KCTD17: variants seen among roughly 807,000 people sequenced by gnomAD.
The protein encoded by KCTD17 is potassium channel tetramerization domain containing 17.
Under a neutral mutation model 41.5 loss-of-function variants are expected in KCTD17, and 20 were observed. The ratio of observed to expected loss-of-function variants is 0.48; its 90% CI spans 0.34 to 0.70. The LOEUF (loss-of-function observed/expected upper bound fraction) is 0.70, where lower values mean the gene tolerates loss of function less well. KCTD17 is among the 30% of genes least tolerant of loss of function. The probability of loss-of-function intolerance (pLI) is 0.01; values close to 1 mark genes in which losing one functional copy is unlikely to be tolerated. For missense variants in KCTD17, 317 were observed against 427.2 expected, an observed-to-expected ratio of 0.74 and a Z score of 2.27; for synonymous variants, 156 against 173.8, an observed-to-expected ratio of 0.90 and a Z score of 0.80.
Position 37,053,300 on chromosome 22 carries a change from A to G in KCTD17, c.298+92A>G. 1 of 945,758 alleles carries G rather than the reference A, an allele frequency of 1.1e-6. No homozygotes were observed. The highest frequency in any genetic ancestry group is 2.2e-4 in the Middle Eastern group (1 of 4,474). The allele number at this position is 945,758 out of a possible 1,614,324, so 58.6% of individuals were successfully genotyped here. A position where few individuals can be genotyped will look rare whatever the true frequency, so the allele number is the denominator to read the frequency against. ...AGCCATTTGGACAACCAGGACGGCC[A>G]TCTGCCTGCTTGGTTGTTTCCTGCC... is the stretch of plus-strand genomic sequence containing the variant. On this transcript the variant is annotated intron_variant, in intron 2 of 8. Coordinates refer to ENST00000403888, the MANE Select transcript of KCTD17 (RefSeq NM_001282684.2). The surrounding 1 kb of genome is among the most constrained non-coding windows in gnomAD (Gnocchi z 4.1).
intron 5 of KCTD17, among the ~76,000 whole-genome samples, chr22:37,060,275 T>C (rs1925618045): frequency 5.9e-5 from 9 of 152,184 alleles, no homozygotes; most frequent in Admixed American, 5.9e-4. Flanking sequence ...CTCCCTGTCC[T>C]GCTGTGACGC....
Position 37,052,048 on chromosome 22 carries a change from C to A in KCTD17, c.189+99C>A, listed in dbSNP as rs1279359267. ...CTCGCCCGCCAGGCTGGGGACCCGG[C>A]CGGGTTCATTTCCGAGGAACTGGAG... On this transcript the variant is annotated intron_variant, in intron 1 of 8. Coordinates refer to ENST00000403888, the MANE Select transcript of KCTD17 (RefSeq NM_001282684.2). 2.4e-6 allele frequency: 3 copies of A among 1,263,388 alleles called. No homozygotes were observed. The African/African-American group carries it at 4.7e-5, about 20-fold the overall frequency. 78.3% of individuals were successfully genotyped at this position (1,263,388 alleles called of 1,614,324 possible).
At position 37,061,324 on chromosome 22, in the gene KCTD17, C is replaced by T. The variant is rs1925753577; in HGVS notation, c.784+149C>T. ...TGGTCCCAGCCTCCCGTGCCCTCCA[C>T]CCAGGCCCCCTGGCCCTGCATCCCA... On this transcript the variant is annotated intron_variant, in intron 7 of 8. Coordinates refer to ENST00000403888, the MANE Select transcript of KCTD17 (RefSeq NM_001282684.2). This position sits in a 1 kb window ranked among gnomAD's most constrained non-coding sequence, Gnocchi z 6.6. 3 of 1,499,002 alleles carry T rather than the reference C, an allele frequency of 2.0e-6. No individual in the cohort carries two copies. Among genetic ancestry groups the T allele is most frequent in the Non-Finnish European group, 1.8e-6 (2 of 1,125,602 alleles). The allele number at this position is 1,499,002 out of a possible 1,614,324, so 92.9% of individuals were successfully genotyped here. A position where few individuals can be genotyped will look rare whatever the true frequency, so the allele number is the denominator to read the frequency against.
chr22:37,062,443 C>A (rs1427094550), intron 8 of KCTD17, 82 bp from the exon 9 acceptor site: 1 of 1,529,126 alleles, frequency 6.5e-7, no homozygotes, highest in Non-Finnish European at 8.8e-7. Flanking sequence ...CCTCTCCGCC[C>A]CCTTGCCCTG....
intron 3 of KCTD17, 31 bp from the exon 4 acceptor site, chr22:37,057,366 AG>A (rs1925259923): frequency 6.3e-7 from 1 of 1,582,010 alleles, no homozygotes; most frequent in African/African-American, 1.3e-5. Context: ...GTGCTCCCAC[AG>A]GTGCCCTCTA....
rs1224851202 is a variant in KCTD17, at chr22:37,061,392, C to G, written c.785-147C>G. ...CCTCCTGCGCCCCTTCTGGTACCTC[C>G]TGCCTCCCAGCCTGGGGAGGAGGGG... On this transcript the variant is annotated intron_variant, in intron 7 of 8. Coordinates refer to ENST00000403888, the MANE Select transcript of KCTD17 (RefSeq NM_001282684.2). This position sits in a 1 kb window ranked among gnomAD's most constrained non-coding sequence, Gnocchi z 6.6. 2 of 1,474,018 alleles carry G rather than the reference C, an allele frequency of 1.4e-6. No individual in the cohort carries two copies. Among genetic ancestry groups the G allele is most frequent in the Non-Finnish European group, 1.8e-6 (2 of 1,113,272 alleles). 91.3% of individuals were successfully genotyped at this position (1,474,018 alleles called of 1,614,324 possible).
At chr22:37,062,475 C>T in intron 8 of KCTD17, 50 bp from the exon 9 acceptor site, 1 of 1,581,286 alleles carries the variant, frequency 6.3e-7, no homozygotes, top group Non-Finnish European at 8.6e-7. Flanking sequence ...CCTTACCGGC[C>T]CCACCTCCGC....
chr22:37,051,859 G>T lies in KCTD17; in HGVS notation c.99G>T (p.Thr33=). 6.8e-7 allele frequency: 1 copy of T among 1,476,022 alleles called. No individual in the cohort carries two copies. The allele number at this position is 1,476,022 out of a possible 1,614,324, so 91.4% of individuals were successfully genotyped here. A position where few individuals can be genotyped will look rare whatever the true frequency, so the allele number is the denominator to read the frequency against. ...GGGTGCGGCTCAACGTGGGGGGCAC[G>T]GTGTTCCTGACCACCCGGCAGACGC... ...GKWVRLNVGG[T]VFLTTRQTLC... The change falls in exon 1 of 9, where the codon ACG becomes ACT. Residue 33 remains threonine, a synonymous_variant. Transcript: ENST00000403888.
intron 8 of KCTD17, chr22:37,062,252 C>T (rs1038288608): frequency 2.0e-5 from 20 of 985,116 alleles, no homozygotes; most frequent in African/African-American, 1.2e-4. Flanking sequence ...TGTAGGTGGC[C>T]GCCACCGAGC....
chr22:37,052,656 C>G (rs1924633227), intron 1 of KCTD17: 3 of 470,710 alleles, frequency 6.4e-6, no homozygotes, highest in South Asian at 3.1e-5. Flanking sequence ...GAAGCCCACC[C>G]TGCCTCCCTG....
Position 37,061,526 on chromosome 22 carries a change from T to C in KCTD17, c.785-13T>C, listed in dbSNP as rs752376156. ...TCTCCTCCCGGCCTCCTCCTCACGTTTCCTCCTTGCAGGTTCCCGTCCGCA... is the reference window on the plus strand; with the variant it reads ...TCTCCTCCCGGCCTCCTCCTCACGTCTCCTCCTTGCAGGTTCCCGTCCGCA... On this transcript the variant is annotated splice_polypyrimidine_tract_variant and intron_variant, in intron 7 of 8. Coordinates refer to ENST00000403888, the MANE Select transcript of KCTD17 (RefSeq NM_001282684.2). This position sits in a 1 kb window ranked among gnomAD's most constrained non-coding sequence, Gnocchi z 6.6. The C allele has an allele frequency of 2.5e-6, 4 of 1,599,076 alleles. No individual in the cohort carries two copies. In the South Asian group the frequency reaches 3.3e-5, roughly 13 times the overall value.
chr22:37,059,544 G>A (rs1197045844), intron 5 of KCTD17, 106 bp downstream of exon 5: 13 of 1,321,704 alleles, frequency 9.8e-6, no homozygotes, highest in South Asian at 6.8e-5. Flanking sequence ...CCTCTCTCCC[G>A]CCACCGCCCA....
intron 4 of KCTD17, among the ~76,000 whole-genome samples, chr22:37,058,487 A>G (rs1016515790): frequency 6.9e-6 from 1 of 145,842 alleles, no homozygotes; most frequent in South Asian, 2.1e-4. Context: ...CTATGTTGGC[A>G]TTAGTGTCAT....
Position 37,060,901 on chromosome 22 carries a change from G to A in KCTD17, c.691G>A (p.Glu231Lys). ...EEVEVEQVQVEADAQEKAQSS... is the reference protein window; with the variant it reads ...EEVEVEQVQVKADAQEKAQSS... ...GGTGGAGGTGGAACAGGTGCAGGTG[G>A]AGGCAGATGCACAGGAGAAAGGTGC... Residue 231 changes from glutamate to lysine, a missense_variant, in exon 6 of 9, where the codon GAG becomes AAG. Glu to Lys is a moderately conservative substitution (Grantham distance 56). Coordinates refer to ENST00000403888, the MANE Select transcript of KCTD17 (RefSeq NM_001282684.2). The A allele has an allele frequency of 6.5e-7, 1 of 1,542,802 alleles. No homozygotes were observed.
chr22:37,058,418 A>G (rs900868351), intron 4 of KCTD17, among the ~76,000 whole-genome samples: 6 of 152,242 alleles, frequency 3.9e-5, no homozygotes, highest in Non-Finnish European at 8.8e-5. Context: ...CCTCCTCTGT[A>G]GGACTCTTGT....
intron 3 of KCTD17, among the ~76,000 whole-genome samples, chr22:37,056,952 G>A (rs1925197709): frequency 6.6e-6 from 1 of 152,056 alleles, no homozygotes; most frequent in South Asian, 2.1e-4. Context: ...AGGGTTGGGG[G>A]ACAGGTAGTG....
chr22:37,060,950 G>C (rs1413100002), intron 6 of KCTD17, 28 bp downstream of exon 6: 10 of 1,536,098 alleles, frequency 6.5e-6, no homozygotes, highest in African/African-American at 1.4e-5. Context: ...GAGGATGATT[G>C]CTAAGCAAAG....
At position 37,062,213 on chromosome 22, in the gene KCTD17, C is replaced by G. The variant is rs908338543; in HGVS notation, c.876-312C>G. 5 of 985,270 alleles carry G rather than the reference C, an allele frequency of 5.1e-6. No individual in the cohort carries two copies. The African/African-American group carries it at 8.7e-5, about 17-fold the overall frequency. 61.0% of individuals were successfully genotyped at this position (985,270 alleles called of 1,614,324 possible). On this transcript the variant is annotated intron_variant, in intron 8 of 8. Coordinates refer to ENST00000403888, the MANE Select transcript of KCTD17 (RefSeq NM_001282684.2). ...GCCCTGAGCAACCCCCATCCCACCC[C>G]CTTCAGAGTCTTGGCAGAATCTGGC...
At chr22:37,055,993 T>C (rs1925059895) in intron 2 of KCTD17, among the ~76,000 whole-genome samples, 2 of 152,244 alleles carry the variant, frequency 1.3e-5, no homozygotes, top group Non-Finnish European at 2.9e-5. Context: ...GCCCTGCTCA[T>C]GGTGACATTC....
Sources: gnomAD v4.1 joint callset for allele counts (sites outside exome capture counted in the v4.1 genomes callset) on GRCh38, gnomAD v4.1.1 for gene constraint, Gnocchi (gnomAD v3.1) non-coding constraint, MANE v1.5 for transcripts, NCBI Gene and HGNC (gene_info 2026-07-23, HGNC 2026-07-21) for gene names.